MICAL2: variants seen among roughly 807,000 people sequenced by gnomAD.
The protein encoded by MICAL2 is [F-actin]-monooxygenase MICAL2.
In MICAL2, 77 loss-of-function variants were observed where a neutral mutation model predicts 127.3. The ratio of observed to expected loss-of-function variants is 0.60; its 90% confidence interval spans 0.50 to 0.73. The LOEUF is 0.73. Ranked by LOEUF, MICAL2 falls within the 30% of genes least tolerant of loss-of-function variation. The pLI is 0.00. For synonymous variants in MICAL2, 570 were observed against 551.1 expected (o/e 1.03, Z -0.48); for missense variants, 1,351 against 1,434.4 (o/e 0.94, Z 0.94).
intron 33 of MICAL2, chr11:12,354,681 A>T: frequency 1.1e-6 from 1 of 870,762 alleles, no homozygotes; most frequent in Non-Finnish European, 1.8e-6. Context: ...CTCCAGTCTT[A>T]ATTAGGAAAA....
chr11:12,137,343 C>A (rs1368195603), intron 1 of MICAL2, among the ~76,000 whole-genome samples: 1 of 152,196 alleles, frequency 6.6e-6, no homozygotes, highest in Non-Finnish European at 1.5e-5. Context: ...TGGGAAAGAC[C>A]ATGAGCACAG....
chr11:12,294,301 C>T (rs1493952), downstream of MICAL2: 563,148 of 1,613,824 alleles, frequency 0.35, 102,853 homozygotes, highest in African/African-American at 0.55. Context: ...ACTCTGAAGG[C>T]GGGAAGAAGG....
At chr11:12,348,679 A>G (rs1938996002) in intron 32 of MICAL2, among the ~76,000 whole-genome samples, 1 of 152,226 alleles carries the variant, frequency 6.6e-6, no homozygotes, top group Non-Finnish European at 1.5e-5. Flanking sequence ...AAATATACAT[A>G]GCAGTGAAGA....
At position 12,358,039 on chromosome 11, in the gene MICAL2, T is replaced by C. The variant is rs555451626; in HGVS notation, c.5690-256T>C. 1.3e-4 allele frequency among the ~76,000 whole-genome samples: 20 copies of C among 152,274 alleles called. No individual in the cohort carries two copies. The East Asian group carries it at 3.9e-3, about 29-fold the overall frequency. On this transcript the variant is annotated intron_variant, in intron 34 of 34. Coordinates refer to the MICAL2 transcript ENST00000646065. ...TTGATAGGGTTTGGCTGGTATTAAA[T>C]TCCTTTTCTTACAAAGGGGTTTTCC...
At chr11:12,183,997 CT>C (rs1857831656) in intron 3 of MICAL2, among the ~76,000 whole-genome samples, 1 of 152,182 alleles carries the variant, frequency 6.6e-6, no homozygotes, top group Admixed American at 6.5e-5. Context: ...CCAGGCTGGT[CT>C]TGAACTCCTG....
intron 10 of MICAL2, 135 bp from the exon 11 acceptor site, chr11:12,222,482 G>T: frequency 8.4e-7 from 1 of 1,191,860 alleles, no homozygotes; most frequent in Non-Finnish European, 1.2e-6. Flanking sequence ...AGGAGAGTCA[G>T]GTATTTCAGG....
At chr11:12,205,108 C>A (rs1854518506) in intron 4 of MICAL2, among the ~76,000 whole-genome samples, 1 of 152,126 alleles carries the variant, frequency 6.6e-6, no homozygotes, top group South Asian at 2.1e-4. Context: ...GGACTTCAAC[C>A]AGAATAGGAA....
At chr11:12,360,876 TA>T (rs1426057910), downstream of MICAL2, among the ~76,000 whole-genome samples, 5 of 152,322 alleles carry the variant, frequency 3.3e-5, no homozygotes, top group African/African-American at 4.8e-5. Context: ...CACTAGTACA[TA>T]AAAACCATTT....
At position 12,270,092 on chromosome 11, in the gene MICAL2, C is replaced by T. The variant is rs145582529; in HGVS notation, c.3335-5894C>T. 5.9e-5 allele frequency among the ~76,000 whole-genome samples: 9 copies of T among 152,328 alleles called. No individual in the cohort carries two copies. In the East Asian group the frequency reaches 9.7e-4, roughly 16 times the overall value. On this transcript the variant is annotated intron_variant, in intron 24 of 34. Coordinates refer to the MICAL2 transcript ENST00000646065. ...CTGAAAAGGACTTTGGCTCTGGCAT[C>T]GACTAGTCTCCTTCCCAGAGCAATT...
intron 5 of MICAL2, 198 bp downstream of exon 5, chr11:12,208,337 T>C: frequency 3.9e-6 from 2 of 517,798 alleles, no homozygotes; most frequent in East Asian, 6.7e-5. Flanking sequence ...CAAGGGGATT[T>C]ATGATTAAGC....
intron 32 of MICAL2, among the ~76,000 whole-genome samples, chr11:12,335,631 T>G (rs1040707711): frequency 6.6e-6 from 1 of 152,206 alleles, no homozygotes. Flanking sequence ...AATTTTTGTA[T>G]AAGGTGTAAG....
chr11:12,244,044 C>T lies in MICAL2; in HGVS notation c.2716C>T (p.Leu906Phe). The T allele has an allele frequency of 6.2e-7, 1 of 1,614,038 alleles. No homozygotes were observed. Among genetic ancestry groups the T allele is most frequent in the Non-Finnish European group, 8.5e-7 (1 of 1,179,884 alleles). ...TCATCCTCCATCTCCTCCCTCTCGC[C>T]TTCCGTCTCCTGATCCAGCTGCTTC... ...HTHPPSPPSR[L>F]PSPDPAASSS... Residue 906 changes from leucine (L) to phenylalanine (F), a missense_variant, in exon 21 of 28, where the codon CTT (leucine) becomes TTT (phenylalanine). By Grantham distance (22) the Leu-to-Phe change is conservative (BLOSUM62 0). Transcript: ENST00000683283.
At chr11:12,246,142 G>A (rs930855432) in intron 21 of MICAL2, among the ~76,000 whole-genome samples, 2 of 152,226 alleles carry the variant, frequency 1.3e-5, no homozygotes, top group Admixed American at 6.5e-5. Context: ...GGTTTCCACC[G>A]GGCATTAGAT....
At chr11:12,353,455 C>G (rs1939084704) in intron 33 of MICAL2, among the ~76,000 whole-genome samples, 1 of 152,018 alleles carries the variant, frequency 6.6e-6, no homozygotes, top group Non-Finnish European at 1.5e-5. Flanking sequence ...CTTCTGTCTT[C>G]AAACTGTTTC....
intron 3 of MICAL2, among the ~76,000 whole-genome samples, chr11:12,186,064 A>G (rs1858215336): frequency 6.6e-6 from 1 of 152,214 alleles, no homozygotes; most frequent in South Asian, 2.1e-4. Flanking sequence ...CAGGGAGATG[A>G]CAGCCCTCTT....
At chr11:12,324,894 A>G (rs1029065106) in intron 31 of MICAL2, among the ~76,000 whole-genome samples, 1 of 152,188 alleles carries the variant, frequency 6.6e-6, no homozygotes, top group Non-Finnish European at 1.5e-5. Flanking sequence ...TGCAACCTCT[A>G]AAACAGGTTT....
intron 23 of MICAL2, chr11:12,256,334 T>C: frequency 6.2e-6 from 1 of 161,156 alleles, no homozygotes; most frequent in Non-Finnish European, 1.4e-5. Context: ...TCACCCAACC[T>C]GTGCCACTGC....
At chr11:12,251,796 C>A (rs1180201561) in intron 22 of MICAL2, among the ~76,000 whole-genome samples, 2 of 152,108 alleles carry the variant, frequency 1.3e-5, no homozygotes, top group African/African-American at 2.4e-5. Context: ...CTCCCAGCAA[C>A]CTCGCAGCCC....
chr11:12,304,235 T>C (rs1864082232), intron 29 of MICAL2, among the ~76,000 whole-genome samples: 1 of 152,178 alleles, frequency 6.6e-6, no homozygotes, highest in South Asian at 2.1e-4. Context: ...CAGTCATATC[T>C]ATGATGAAAC....
Sources: gnomAD v4.1 joint callset for allele counts (sites outside exome capture counted in the v4.1 genomes callset) on GRCh38, gnomAD v4.1.1 for gene constraint, MANE v1.5 for transcripts, NCBI Gene and HGNC (gene_info 2026-07-23, HGNC 2026-07-21) for gene names.